Variants in ITGA9 observed in about 807,000 individuals in gnomAD.
ITGA9 encodes integrin alpha-9.
In ITGA9, 56 loss-of-function variants were observed where a neutral mutation model predicts 127.8. The ratio of observed to expected loss-of-function variants is 0.44; its 90% CI spans 0.35 to 0.55. ITGA9 has a LOEUF of 0.55. ITGA9 is among the 20% of genes least tolerant of loss of function. The probability of loss-of-function intolerance (pLI) is 0.00; values close to 1 mark genes in which losing one functional copy is unlikely to be tolerated. For synonymous variants in ITGA9, 508 were observed against 514.5 expected, an observed-to-expected ratio of 0.99 and a Z score of 0.17; for missense variants, 1,196 against 1,347.1, an observed-to-expected ratio of 0.89 and a Z score of 1.76.
At chr3:37,797,612 GT>G (rs1697189050) in intron 26 of ITGA9, among the ~76,000 whole-genome samples, 1 of 152,294 alleles carries the variant, frequency 6.6e-6, no homozygotes, top group South Asian at 2.1e-4. Flanking sequence ...ATAGTAAAAC[GT>G]AGAAAAGAGA....
intron 17 of ITGA9, among the ~76,000 whole-genome samples, chr3:37,673,883 C>T (rs1441974463): frequency 1.3e-5 from 2 of 152,204 alleles, no homozygotes; most frequent in Non-Finnish European, 2.9e-5. Context: ...TCCCTTGAAG[C>T]TTTGAAAATC....
Position 37,629,379 on chromosome 3 carries a change from T to C in ITGA9, c.1839+43T>C, listed in dbSNP as rs557360926. ...CATACTCAGCACCCAAGGTGGCAGC[T>C]GCACAGAGCAGAAATAATGGCCCAA... On this transcript the variant is annotated intron_variant, in intron 16 of 27. Coordinates refer to ENST00000264741, the MANE Select transcript of ITGA9 (RefSeq NM_002207.3). The surrounding 1 kb of genome is among the most constrained non-coding windows in gnomAD (Gnocchi z 4.5). 1.9e-6 allele frequency: 3 copies of C among 1,609,070 alleles called. No individual in the cohort carries two copies. Among genetic ancestry groups the C allele is most frequent in the African/African-American group, 1.3e-5 (1 of 74,946 alleles).
chr3:37,651,107 T>C (rs538108243), intron 16 of ITGA9, among the ~76,000 whole-genome samples: 2 of 152,172 alleles, frequency 1.3e-5, no homozygotes, highest in Non-Finnish European at 2.9e-5. Context: ...GTAGGGATAT[T>C]TGTGTACATG....
intron 15 of ITGA9, among the ~76,000 whole-genome samples, chr3:37,598,140 A>T (rs1156330551): frequency 2.0e-5 from 3 of 152,242 alleles, no homozygotes; most frequent in Non-Finnish European, 2.9e-5. Context: ...TCAGGATTAC[A>T]TAAGAGTAAT....
At chr3:37,571,614 G>T (rs1343274701) in intron 15 of ITGA9, among the ~76,000 whole-genome samples, 1 of 152,132 alleles carries the variant, frequency 6.6e-6, no homozygotes, top group Non-Finnish European at 1.5e-5. Flanking sequence ...TGATTCAGTG[G>T]GTCTGGGGTT....
chr3:37,571,435 C>T (rs2555231), intron 15 of ITGA9, among the ~76,000 whole-genome samples: 87,512 of 152,060 alleles, frequency 0.58, 25,727 homozygotes, highest in East Asian at 0.75. Flanking sequence ...TCTGTCTGGA[C>T]ATTAGCTGGA....
In ITGA9 at chr3:37,506,053, G is replaced by A; in HGVS notation, c.796G>A (p.Gly266Arg). 1 of 1,610,518 alleles carries A rather than the reference G, an allele frequency of 6.2e-7. No homozygotes were observed. The change falls in exon 7 of 28, where the codon GGA (glycine) becomes AGA (arginine). Residue 266 changes from glycine to arginine, a missense_variant. Gly to Arg is a moderately radical substitution (Grantham distance 125, BLOSUM62 -2). Transcript: ENST00000264741. ...FSHPSTIDVV[G>R]GAPQDKGIGK... ...TCACCCGTCCACCATTGATGTGGTAGGAGGTGCCCCACAGGACAAAGGCAT... is the reference window on the plus strand; with the variant it reads ...TCACCCGTCCACCATTGATGTGGTAAGAGGTGCCCCACAGGACAAAGGCAT...
At chr3:37,492,427 C>A (rs914447727) in intron 4 of ITGA9, among the ~76,000 whole-genome samples, 1 of 152,242 alleles carries the variant, frequency 6.6e-6, no homozygotes, top group Non-Finnish European at 1.5e-5. Context: ...TTAAGGGCTT[C>A]CCCTTGCTGG....
chr3:37,690,751 C>T (rs1394615726), intron 18 of ITGA9, among the ~76,000 whole-genome samples: 1 of 152,158 alleles, frequency 6.6e-6, no homozygotes, highest in Non-Finnish European at 1.5e-5. Context: ...GTGAGATGCT[C>T]TCTTGGTTTG....
Position 37,819,157 on chromosome 3 carries a change from G to A in ITGA9, c.*168G>A. On this transcript the variant is annotated 3_prime_UTR_variant, in exon 28 of 28. Coordinates refer to ENST00000264741, the MANE Select transcript of ITGA9 (RefSeq NM_002207.3). ...GTGCCAGCCTGAGGCAGCCACTTCG[G>A]CCAGGTCACACGACCGGGGCCAGCA... 1.5e-6 allele frequency: 1 copy of A among 664,534 alleles called. No homozygotes were observed. Among genetic ancestry groups the A allele is most frequent in the Non-Finnish European group, 2.7e-6 (1 of 364,976 alleles). The allele number at this position is 664,534 out of a possible 1,614,324, so 41.2% of individuals were successfully genotyped here.
chr3:37,681,026 C>A (rs1001033144), intron 17 of ITGA9, among the ~76,000 whole-genome samples: 1 of 152,118 alleles, frequency 6.6e-6, no homozygotes, highest in Non-Finnish European at 1.5e-5. Flanking sequence ...TGTTGATGTG[C>A]CAGACATGCA....
intron 20 of ITGA9, 33 bp from the exon 21 acceptor site, chr3:37,741,697 C>A: frequency 6.4e-7 from 1 of 1,556,082 alleles, no homozygotes; most frequent in Non-Finnish European, 8.8e-7. Context: ...CTAGTGTTGG[C>A]CAGCGTTCAT....
chr3:37,603,018 T>C (rs1015755914), intron 15 of ITGA9, among the ~76,000 whole-genome samples: 2 of 152,220 alleles, frequency 1.3e-5, no homozygotes, highest in Non-Finnish European at 1.5e-5. Flanking sequence ...CATGTCTTGC[T>C]CTGGACCCAT....
chr3:37,554,025 ATGCCGTAGGC>A (rs1374245528), intron 15 of ITGA9, among the ~76,000 whole-genome samples: 1 of 152,170 alleles, frequency 6.6e-6, no homozygotes. Context: ...CATACCTATT[ATGCCGTAGGC>A]TGGGGGGCCC....
chr3:37,563,757 G>A (rs1470680529), intron 15 of ITGA9, among the ~76,000 whole-genome samples: 3 of 152,178 alleles, frequency 2.0e-5, no homozygotes, highest in Non-Finnish European at 4.4e-5. Context: ...CCCATCTGAA[G>A]TCCTGCCTGG....
At chr3:37,614,471 C>T (rs1458115275) in intron 15 of ITGA9, among the ~76,000 whole-genome samples, 1 of 152,006 alleles carries the variant, frequency 6.6e-6, no homozygotes, top group Non-Finnish European at 1.5e-5. Context: ...TCCATATGAA[C>T]TTGAAAGTAG....
chr3:37,466,839 C>T (rs181273447), intron 1 of ITGA9, among the ~76,000 whole-genome samples: 20 of 152,294 alleles, frequency 1.3e-4, no homozygotes, highest in African/African-American at 2.2e-4. Context: ...TTGGTGGGGA[C>T]ACTCAGGCCC....
intron 16 of ITGA9, among the ~76,000 whole-genome samples, chr3:37,644,226 A>G (rs1700357003): frequency 6.6e-6 from 1 of 152,184 alleles, no homozygotes; most frequent in African/African-American, 2.4e-5. Flanking sequence ...CCAGGGCCTC[A>G]CCAAGCAGTC....
At chr3:37,576,127 A>G (rs1197621750) in intron 15 of ITGA9, among the ~76,000 whole-genome samples, 1 of 152,170 alleles carries the variant, frequency 6.6e-6, no homozygotes, top group African/African-American at 2.4e-5. Flanking sequence ...CCAGAGACAC[A>G]GGGGTAAACA....
Sources: allele counts gnomAD v4.1 joint callset (sites outside exome capture counted in the v4.1 genomes callset), GRCh38; gene constraint gnomAD v4.1.1; non-coding constraint Gnocchi (gnomAD v3.1); transcripts MANE v1.5; gene names NCBI Gene and HGNC (gene_info 2026-07-23, HGNC 2026-07-21).